The following KDM4C variants were observed in gnomAD, a reference collection of about 807,000 sequenced individuals.
The protein encoded by KDM4C is lysine demethylase 4C.
Under a neutral mutation model 129.3 loss-of-function variants are expected in KDM4C, and 81 were observed. The observed-to-expected ratio is 0.63, with a 90% CI of 0.52 to 0.75. The LOEUF (loss-of-function observed/expected upper bound fraction) is 0.75, where lower values mean the gene tolerates loss of function less well. KDM4C is among the 30% of genes least tolerant of loss of function. The probability of loss-of-function intolerance (pLI) is 0.00; values close to 1 mark genes in which losing one functional copy is unlikely to be tolerated. For synonymous variants in KDM4C, 573 were observed against 456.1 expected (o/e 1.26, Z -3.26); for missense variants, 1,457 against 1,304.0 (o/e 1.12, Z -1.81).
rs576238270 is a variant in KDM4C, at chr9:7,154,007, C to G, written c.2782-11231C>G. Among the ~76,000 whole-genome samples, 5 of 152,290 alleles carry G rather than the reference C, an allele frequency of 3.3e-5. No homozygotes were observed. The South Asian group carries it at 1.0e-3, about 32-fold the overall frequency. On this transcript the variant is annotated intron_variant, in intron 19 of 21. Transcript: ENST00000381309. ...CTACTTGTTTCTCTGCATCTCTGAT[C>G]ACAGGTTCTAAATCCTGGGCTGGTG...
chr9:6,742,261 G>A (rs907175500), intron 1 of KDM4C, among the ~76,000 whole-genome samples: 2 of 152,076 alleles, frequency 1.3e-5, no homozygotes, highest in African/African-American at 2.4e-5. Flanking sequence ...TCATCCGCCC[G>A]CCTTGGCCCC....
At position 7,175,506 on chromosome 9, in the gene KDM4C, T is replaced by G. The variant is rs894270141; in HGVS notation, c.*777T>G. On this transcript the variant is annotated 3_prime_UTR_variant, in exon 22 of 22. Coordinates refer to ENST00000381309, the MANE Select transcript of KDM4C (RefSeq NM_015061.6). ...AGTAGATATTTATAAAATATATGTT[T>G]CTTTCATTATGTGTTTGTAAAATTA... 3 of 152,650 alleles carry G rather than the reference T, an allele frequency of 2.0e-5. No individual in the cohort carries two copies. Among genetic ancestry groups the G allele is most frequent in the African/African-American group, 7.2e-5 (3 of 41,442 alleles). The allele number at this position is 152,650 out of a possible 1,614,324, so 9.5% of individuals were successfully genotyped here.
At chr9:6,771,752 T>C (rs1821890788) in intron 1 of KDM4C, among the ~76,000 whole-genome samples, 1 of 152,234 alleles carries the variant, frequency 6.6e-6, no homozygotes, top group Non-Finnish European at 1.5e-5. Context: ...TGGAAAGCGC[T>C]GGTCCAGGCC....
intron 8 of KDM4C, among the ~76,000 whole-genome samples, chr9:6,939,895 A>C (rs1234323741): frequency 6.6e-6 from 1 of 152,192 alleles, no homozygotes; most frequent in Non-Finnish European, 1.5e-5. Flanking sequence ...CGTTGGCTTT[A>C]TCCTGTGGGT....
intron 17 of KDM4C, among the ~76,000 whole-genome samples, chr9:7,098,143 C>A (rs578223536): frequency 1.3e-5 from 2 of 152,144 alleles, no homozygotes; most frequent in Non-Finnish European, 2.9e-5. Context: ...TTCTAGAATT[C>A]TTTTGTGATT....
chr9:6,847,530 A>T (rs1242620276), intron 4 of KDM4C, among the ~76,000 whole-genome samples: 1 of 152,026 alleles, frequency 6.6e-6, no homozygotes, highest in African/African-American at 2.4e-5. Flanking sequence ...GGCTGGGACT[A>T]CAGACGCCCG....
At chr9:6,903,524 C>G (rs1045233525) in intron 8 of KDM4C, among the ~76,000 whole-genome samples, 4 of 152,112 alleles carry the variant, frequency 2.6e-5, no homozygotes, top group African/African-American at 9.7e-5. Flanking sequence ...TCTTCTTGCG[C>G]TTTTACCATT....
chr9:6,736,918 G>T (rs1013732811), intron 1 of KDM4C, among the ~76,000 whole-genome samples: 4 of 151,758 alleles, frequency 2.6e-5, no homozygotes, highest in Admixed American at 6.6e-5. Flanking sequence ...GGGCATGGGG[G>T]CACACACATG....
chr9:6,828,399 G>C (rs567002343), intron 4 of KDM4C, among the ~76,000 whole-genome samples: 1 of 151,856 alleles, frequency 6.6e-6, no homozygotes, highest in Non-Finnish European at 1.5e-5. Flanking sequence ...TGCCTGCCTC[G>C]GCCTCCCAAA....
intron 12 of KDM4C, among the ~76,000 whole-genome samples, chr9:7,006,913 C>T (rs1347533515): frequency 6.6e-6 from 1 of 151,982 alleles, no homozygotes; most frequent in East Asian, 1.9e-4. Context: ...TAGGCAAGTT[C>T]GTTTATAAAA....
At chr9:6,873,931 TGAGAGAGAGCGAGAGAGAGA>T (rs1563738367) in intron 5 of KDM4C, among the ~76,000 whole-genome samples, 1 of 105,930 alleles carries the variant, frequency 9.4e-6, no homozygotes, top group African/African-American at 3.3e-5. Flanking sequence ...AGAGAGAGAG[TGAGAGAGAGCGAGAGAGAGA>T]GAGAGAGAGA....
At position 6,858,773 on chromosome 9, in the gene KDM4C, C is replaced by G. The variant is rs985777523; in HGVS notation, c.629+9073C>G. 6.8e-5 allele frequency among the ~76,000 whole-genome samples: 10 copies of G among 148,140 alleles called. No individual in the cohort carries two copies. The East Asian group carries it at 1.4e-3, about 21-fold the overall frequency. On this transcript the variant is annotated intron_variant, in intron 5 of 21. Transcript: ENST00000381309. ...GGTGACAGAGTGATTTTGTCTCCCC[C>G]CCCGGCAAAAAAAAAAAATTACTAT...
chr9:6,849,371 G>C, intron 4 of KDM4C, 136 bp from the exon 5 acceptor site: 1 of 613,908 alleles, frequency 1.6e-6, no homozygotes. Flanking sequence ...AATAAGAGTT[G>C]TTTTATTTTT....
chr9:7,155,165 C>G (rs1333792711), intron 19 of KDM4C, among the ~76,000 whole-genome samples: 1 of 152,000 alleles, frequency 6.6e-6, no homozygotes, highest in Non-Finnish European at 1.5e-5. Flanking sequence ...AATGTGTGCC[C>G]CAGGGTTGGG....
At chr9:7,060,732 GGCCTCCCAAAGTGCT>G (rs985388163) in intron 17 of KDM4C, among the ~76,000 whole-genome samples, 4 of 151,910 alleles carry the variant, frequency 2.6e-5, no homozygotes, top group Admixed American at 6.6e-5. Context: ...CGCCTGCCTC[GGCCTCCCAAAGTGCT>G]GGGATCATAG....
At chr9:6,964,215 A>G (rs567190968) in intron 8 of KDM4C, among the ~76,000 whole-genome samples, 185 of 151,914 alleles carry the variant, frequency 1.2e-3, no homozygotes, top group Non-Finnish European at 2.2e-3. Context: ...CATTAGGTAT[A>G]TCTTCTATTG....
intron 3 of KDM4C, among the ~76,000 whole-genome samples, chr9:6,809,824 C>G (rs1449373594): frequency 2.0e-5 from 3 of 151,996 alleles, no homozygotes; most frequent in Admixed American, 6.6e-5. Flanking sequence ...ATGGCAAAAT[C>G]CAGTCTCTAC....
intron 15 of KDM4C, among the ~76,000 whole-genome samples, chr9:7,038,550 A>G (rs74566075): frequency 0.014 from 2,172 of 152,158 alleles, 59 homozygotes; most frequent in African/African-American, 0.049. Flanking sequence ...AAATTTTGAC[A>G]TTACAAATAA....
At chr9:6,786,219 G>T (rs1018355633) in intron 1 of KDM4C, among the ~76,000 whole-genome samples, 3 of 152,060 alleles carry the variant, frequency 2.0e-5, no homozygotes, top group Admixed American at 6.5e-5. Flanking sequence ...CATCAGACTT[G>T]GTTTCTTTTT....
Sources: allele counts gnomAD v4.1 joint callset (sites outside exome capture counted in the v4.1 genomes callset), GRCh38; gene constraint gnomAD v4.1.1; transcripts MANE v1.5; gene names NCBI Gene and HGNC (gene_info 2026-07-23, HGNC 2026-07-21).